The following AFAP1 variants were observed in gnomAD, a reference collection of about 807,000 sequenced individuals.
The protein encoded by AFAP1 is actin filament associated protein 1.
In AFAP1, 75 loss-of-function variants were observed where a neutral mutation model predicts 93.9. The ratio of observed to expected loss-of-function variants is 0.80; its 90% confidence interval spans 0.66 to 0.97. AFAP1 has a LOEUF of 0.97. AFAP1 is among the 50% of genes least tolerant of loss of function. AFAP1 has a pLI of 0.00. For synonymous variants in AFAP1, 517 were observed against 430.7 expected, an observed-to-expected ratio of 1.20 and a Z score of -2.48; for missense variants, 1,201 against 1,050.8, an observed-to-expected ratio of 1.14 and a Z score of -1.98.
intron 14 of AFAP1, 30 bp downstream of exon 14, chr4:7,778,732 G>A (rs376915492): frequency 1.4e-5 from 23 of 1,601,436 alleles, no homozygotes; most frequent in African/African-American, 1.3e-4. Flanking sequence ...ACTTGAAGCC[G>A]GAATGCAAGA....
At chr4:7,772,596 CCA>C in intron 16 of AFAP1, 1 of 546,550 alleles carries the variant, frequency 1.8e-6, no homozygotes, top group Non-Finnish European at 3.2e-6. Flanking sequence ...CTCAGCATTT[CCA>C]CAGCTTTTAA....
intron 11 of AFAP1, chr4:7,788,894 T>C (rs1004853510): frequency 3.9e-5 from 6 of 152,406 alleles, no homozygotes; most frequent in Non-Finnish European, 7.3e-5. Context: ...GCATATGCCC[T>C]GCACTCACCC....
intron 14 of AFAP1, chr4:7,776,569 G>A (rs1291186343): frequency 6.6e-6 from 1 of 152,132 alleles, no homozygotes; most frequent in African/African-American, 2.4e-5. Flanking sequence ...TCTAGCACCT[G>A]TCCTAAATGC....
Position 7,843,351 on chromosome 4 carries a change from C to A in AFAP1, c.335-1G>T, listed in dbSNP as rs1226918016. On this transcript the variant is annotated splice_acceptor_variant, in intron 4 of 17. Transcript: ENST00000420658. LOFTEE classifies it high-confidence loss of function. ...CTGCTCATCGCATCGGAATCATAATCTGTAAAAAATAAACATACACTGGTA... is the reference window on the plus strand; with the variant it reads ...CTGCTCATCGCATCGGAATCATAATATGTAAAAAATAAACATACACTGGTA... 1.2e-6 allele frequency: 2 copies of A among 1,610,260 alleles called. No homozygotes were observed. The highest frequency in any genetic ancestry group is 1.7e-5 in the Admixed American group (1 of 59,576).
chr4:7,843,549 CAAGGTG>C (rs1482470647), intron 4 of AFAP1, among the ~76,000 whole-genome samples, 199 bp from the exon 5 acceptor site: 4 of 152,182 alleles, frequency 2.6e-5, no homozygotes, highest in African/African-American at 9.7e-5. Flanking sequence ...AACTCAATGA[CAAGGTG>C]AAGTGCCTAC....
chr4:7,895,361 C>T (rs1032767386), intron 1 of AFAP1, among the ~76,000 whole-genome samples: 5 of 152,204 alleles, frequency 3.3e-5, no homozygotes, highest in Admixed American at 1.3e-4. Flanking sequence ...TAAATTACTA[C>T]GGTCATTATC....
chr4:7,820,558 A>G (rs770738906), intron 6 of AFAP1, among the ~76,000 whole-genome samples: 4 of 152,172 alleles, frequency 2.6e-5, no homozygotes, highest in Non-Finnish European at 4.4e-5. Flanking sequence ...CCAGGAGAGC[A>G]CAGTCTCCAA....
chr4:7,890,316 T>C (rs111821790), intron 1 of AFAP1, among the ~76,000 whole-genome samples: 3,133 of 152,290 alleles, frequency 0.021, 110 homozygotes, highest in African/African-American at 0.071. Flanking sequence ...GCTGAACAAC[T>C]GGATGTCAGT....
intron 1 of AFAP1, among the ~76,000 whole-genome samples, chr4:7,921,871 A>G (rs1240442543): frequency 1.3e-5 from 2 of 152,236 alleles, no homozygotes; most frequent in African/African-American, 4.8e-5. Context: ...CACGCCTGTA[A>G]TCCCAGCACT....
chr4:7,931,213 G>C (rs1207564237), intron 1 of AFAP1, among the ~76,000 whole-genome samples: 1 of 152,144 alleles, frequency 6.6e-6, no homozygotes, highest in Non-Finnish European at 1.5e-5. Context: ...TAACCTCCAA[G>C]GAACAGGGAT....
rs187754120 is a variant in AFAP1, at chr4:7,846,440, G to A, written c.335-3090C>T. On this transcript the variant is annotated intron_variant, in intron 4 of 17. Coordinates refer to ENST00000420658, the MANE Select transcript of AFAP1 (RefSeq NM_001134647.2). ...ATCGCGTGCTGTGCTACGATCCAAC[G>A]TAAACTGAGGGGTTCTGGAGGGGCC... 3.9e-5 allele frequency among the ~76,000 whole-genome samples: 6 copies of A among 152,288 alleles called. No homozygotes were observed. The East Asian group carries it at 5.8e-4, about 15-fold the overall frequency.
intron 1 of AFAP1, among the ~76,000 whole-genome samples, chr4:7,914,762 C>G (rs1312236670): frequency 3.9e-5 from 6 of 151,964 alleles, no homozygotes; most frequent in African/African-American, 7.3e-5. Flanking sequence ...TATTCTTTTT[C>G]TCTGAGACAG....
intron 1 of AFAP1, among the ~76,000 whole-genome samples, chr4:7,907,156 T>C (rs1719458982): frequency 6.6e-6 from 1 of 152,156 alleles, no homozygotes; most frequent in South Asian, 2.1e-4. Flanking sequence ...CTTGTAACAG[T>C]GAGTTCCCCT....
At chr4:7,857,558 G>C (rs903525210) in intron 3 of AFAP1, among the ~76,000 whole-genome samples, 2 of 152,154 alleles carry the variant, frequency 1.3e-5, no homozygotes, top group Non-Finnish European at 2.9e-5. Context: ...ACCATCTCCA[G>C]GTCCTTCATA....
intron 15 of AFAP1, chr4:7,773,349 G>A (rs1715703100): frequency 3.8e-6 from 1 of 265,976 alleles, no homozygotes; most frequent in South Asian, 6.2e-5. Context: ...CCTTCTTGGA[G>A]TGTGAACCCT....
chr4:7,926,980 C>A (rs938754624), intron 1 of AFAP1, among the ~76,000 whole-genome samples: 1 of 152,196 alleles, frequency 6.6e-6, no homozygotes, highest in South Asian at 2.1e-4. Context: ...AGGTGATCCA[C>A]CTGCCTCGGC....
At chr4:7,778,646 G>A (rs182091487) in intron 14 of AFAP1, 116 bp downstream of exon 14, 295 of 975,344 alleles carry the variant, frequency 3.0e-4, no homozygotes, top group Middle Eastern at 1.4e-3. Context: ...GGTGCCCACC[G>A]CTCCATCTCT....
At chr4:7,799,631 CTGTG>C (rs1476603282) in intron 10 of AFAP1, among the ~76,000 whole-genome samples, 10 of 152,114 alleles carry the variant, frequency 6.6e-5, no homozygotes, top group African/African-American at 1.2e-4. Flanking sequence ...ACAGATCTGT[CTGTG>C]TGTGTATGTT....
At chr4:7,871,630 G>A (rs150043197) in intron 2 of AFAP1, among the ~76,000 whole-genome samples, 1 of 152,270 alleles carries the variant, frequency 6.6e-6, no homozygotes, top group Non-Finnish European at 1.5e-5. Context: ...TCCTCACTAC[G>A]GCTGCAGTGC....
Sources: gnomAD v4.1 joint callset for allele counts (sites outside exome capture counted in the v4.1 genomes callset) on GRCh38, gnomAD v4.1.1 for gene constraint, MANE v1.5 for transcripts, NCBI Gene and HGNC (gene_info 2026-07-23, HGNC 2026-07-21) for gene names.